Variants in SETD3 observed in about 807,000 individuals in gnomAD.
SETD3 encodes the protein actin-histidine N-methyltransferase.
SETD3 carries 19 observed loss-of-function variants against 63.0 expected under a neutral mutation model. The observed-to-expected ratio is 0.30, with a 90% CI of 0.21 to 0.44. The LOEUF is 0.44. SETD3 is among the 20% of genes least tolerant of loss of function. The pLI is 1.00. For missense variants in SETD3, 587 were observed against 728.5 expected (o/e 0.81, Z 2.24); for synonymous variants, 286 against 264.1 (o/e 1.08, Z -0.80).
At chr14:99,462,030 ACC>A (rs1895092152) in intron 3 of SETD3, among the ~76,000 whole-genome samples, 2 of 152,282 alleles carry the variant, frequency 1.3e-5, no homozygotes, top group South Asian at 4.1e-4. Context: ...GAAGATGAAC[ACC>A]CTGCAAGGAG....
At chr14:99,455,981 T>C (rs1033430509) in intron 6 of SETD3, among the ~76,000 whole-genome samples, 1 of 152,138 alleles carries the variant, frequency 6.6e-6, no homozygotes, top group Non-Finnish European at 1.5e-5. Flanking sequence ...GTGGCGAAAC[T>C]CCATCTCTAC....
chr14:99,427,023 C>T (rs1383628283), intron 6 of SETD3, among the ~76,000 whole-genome samples: 1 of 152,200 alleles, frequency 6.6e-6, no homozygotes, highest in Non-Finnish European at 1.5e-5. Context: ...CAGGGTTTTA[C>T]TTGGCAGGCA....
At chr14:99,436,983 T>C (rs964201028) in intron 6 of SETD3, among the ~76,000 whole-genome samples, 1 of 152,194 alleles carries the variant, frequency 6.6e-6, no homozygotes, top group Non-Finnish European at 1.5e-5. Context: ...CCAGCTCCCA[T>C]GGTTACAGGA....
intron 8 of SETD3, chr14:99,411,248 T>C (rs181329749): frequency 2.0e-5 from 3 of 152,324 alleles, no homozygotes; most frequent in Admixed American, 6.5e-5. Context: ...TTAAAAAGTA[T>C]GTAGTCGTAT....
At chr14:99,475,470 G>A (rs770591247) in intron 1 of SETD3, among the ~76,000 whole-genome samples, 5 of 152,356 alleles carry the variant, frequency 3.3e-5, no homozygotes, top group African/African-American at 7.2e-5. Flanking sequence ...AGAGCTGCAC[G>A]TTCACTTCCA....
At chr14:99,470,554 A>C (rs1037334064) in intron 1 of SETD3, among the ~76,000 whole-genome samples, 1 of 152,080 alleles carries the variant, frequency 6.6e-6, no homozygotes, top group African/African-American at 2.4e-5. Context: ...TCCCCCCAAA[A>C]ACAAGTTTCC....
At chr14:99,406,174 AC>A (rs1249715751) in intron 9 of SETD3, among the ~76,000 whole-genome samples, 9 of 151,332 alleles carry the variant, frequency 5.9e-5, no homozygotes, top group African/African-American at 1.7e-4. Context: ...AATAAAGGCA[AC>A]AGTTTATGAA....
At chr14:99,442,080 G>A (rs536412507) in intron 6 of SETD3, among the ~76,000 whole-genome samples, 1 of 152,222 alleles carries the variant, frequency 6.6e-6, no homozygotes, top group South Asian at 2.1e-4. Flanking sequence ...ACTATGAAGC[G>A]GCTGTGGAGG....
chr14:99,454,879 G>C (rs1894669345), intron 6 of SETD3, among the ~76,000 whole-genome samples: 1 of 152,308 alleles, frequency 6.6e-6, no homozygotes, highest in Admixed American at 6.5e-5. Flanking sequence ...CAGTTTCCCA[G>C]AGGAAACTGA....
chr14:99,427,431 A>G (rs202003002), intron 6 of SETD3, among the ~76,000 whole-genome samples: 2 of 152,218 alleles, frequency 1.3e-5, no homozygotes, highest in East Asian at 3.8e-4. Context: ...AAGTGTGAAA[A>G]CTGTAGGATG....
intron 6 of SETD3, among the ~76,000 whole-genome samples, chr14:99,455,527 AC>A (rs1439438109): frequency 1.3e-5 from 2 of 152,162 alleles, no homozygotes; most frequent in African/African-American, 4.8e-5. Flanking sequence ...GCTCTAAAAT[AC>A]CTTCTCCTCA....
At chr14:99,426,279 T>A (rs1208297893) in intron 6 of SETD3, among the ~76,000 whole-genome samples, 1 of 152,222 alleles carries the variant, frequency 6.6e-6, no homozygotes, top group Non-Finnish European at 1.5e-5. Flanking sequence ...GCTCCTGAGT[T>A]GCTTCATGGA....
At chr14:99,421,627 C>G (rs1327904269) in intron 6 of SETD3, among the ~76,000 whole-genome samples, 1 of 152,088 alleles carries the variant, frequency 6.6e-6, no homozygotes, top group East Asian at 1.9e-4. Flanking sequence ...GAGACAGACA[C>G]TAGCAGTCAT....
chr14:99,399,741 A>AATTTTT lies in SETD3; in HGVS notation c.1338+357_1338+358insAAAAAT. 1.6e-5 allele frequency among the ~76,000 whole-genome samples: 2 copies of AATTTTT among 127,728 alleles called. 1 individual carries two copies. The allele number at this position is 127,728 out of a possible 152,430, so 83.8% of individuals were successfully genotyped here. A position where few individuals can be genotyped will look rare whatever the true frequency, so the allele number is the denominator to read the frequency against. On this transcript the variant is annotated intron_variant, in intron 12 of 12. Transcript: ENST00000331768. ...GAATTAACAAGAAATCTTTCATTAA[A>AATTTTT]TTTTTTTTTTTTTTTTTTTTTTTTT...
intron 7 of SETD3, chr14:99,413,349 A>C: frequency 3.0e-6 from 1 of 329,868 alleles, no homozygotes. Context: ...GATCTTCGTG[A>C]CTCACAAAAT....
At chr14:99,434,847 CAAAAAAAAAAAAAA>C (rs71110599) in intron 6 of SETD3, among the ~76,000 whole-genome samples, 6 of 30,394 alleles carry the variant, frequency 2.0e-4, no homozygotes, top group African/African-American at 7.5e-4. Flanking sequence ...AACTCTGCCT[CAAAAAAAAAAAAAA>C]AAAAAAAAAA....
intron 6 of SETD3, among the ~76,000 whole-genome samples, chr14:99,455,692 G>A (rs1172903346): frequency 6.6e-6 from 1 of 152,020 alleles, no homozygotes; most frequent in Non-Finnish European, 1.5e-5. Flanking sequence ...AAATCATATA[G>A]GTAACTGAGG....
intron 6 of SETD3, among the ~76,000 whole-genome samples, chr14:99,428,047 G>A (rs1488951754): frequency 6.6e-6 from 1 of 152,178 alleles, no homozygotes; most frequent in Admixed American, 6.5e-5. Flanking sequence ...AGAATCGATT[G>A]GCACACAGAG....
chr14:99,479,923 G>A (rs1317920705), intron 1 of SETD3, among the ~76,000 whole-genome samples: 1 of 152,208 alleles, frequency 6.6e-6, no homozygotes, highest in Non-Finnish European at 1.5e-5. Flanking sequence ...CCAGGGGCGC[G>A]CGTCACTGTC....
Sources: gnomAD v4.1 joint callset for allele counts (sites outside exome capture counted in the v4.1 genomes callset) on GRCh38, gnomAD v4.1.1 for gene constraint, MANE v1.5 for transcripts, NCBI Gene and HGNC (gene_info 2026-07-23, HGNC 2026-07-21) for gene names.